The following XPR1 variants were observed in gnomAD, a reference collection of about 807,000 sequenced individuals.
XPR1 encodes the protein solute carrier family 53 member 1.
In XPR1, 28 loss-of-function variants were observed where a neutral mutation model predicts 87.5. That is an observed-to-expected ratio of 0.32 (90% CI 0.24 to 0.44). The LOEUF (loss-of-function observed/expected upper bound fraction) is 0.44. Among genes scored for constraint, XPR1 ranks in the 20% least tolerant of loss-of-function variants. The pLI is 1.00. For synonymous variants in XPR1, 300 were observed against 306.1 expected, an observed-to-expected ratio of 0.98 and a Z score of 0.21; for missense variants, 559 against 862.3, an observed-to-expected ratio of 0.65 and a Z score of 4.41.
intron 4 of XPR1, 26 bp from the exon 5 acceptor site, chr1:180,806,036 G>A (rs567402999): frequency 3.7e-6 from 6 of 1,606,312 alleles, no homozygotes; most frequent in Admixed American, 1.7e-5. Context: ...AGAAATTATA[G>A]TTGTGTTTCT....
intron 2 of XPR1, among the ~76,000 whole-genome samples, chr1:180,786,209 C>T (rs1163527427): frequency 1.3e-5 from 2 of 149,572 alleles, no homozygotes; most frequent in Non-Finnish European, 3.0e-5. Context: ...TAAATAGATT[C>T]AGCATGCTTT....
intron 2 of XPR1, among the ~76,000 whole-genome samples, chr1:180,759,385 A>G (rs1431966090): frequency 6.6e-6 from 1 of 152,234 alleles, no homozygotes; most frequent in Non-Finnish European, 1.5e-5. Flanking sequence ...AATAAAGAAG[A>G]AAAGAGAGAA....
chr1:180,724,980 G>T (rs866288577), intron 2 of XPR1, among the ~76,000 whole-genome samples: 1 of 152,138 alleles, frequency 6.6e-6, no homozygotes, highest in South Asian at 2.1e-4. Flanking sequence ...CCATAGCATA[G>T]AATGAACCTC....
At chr1:180,683,524 C>T (rs1165814218) in intron 2 of XPR1, among the ~76,000 whole-genome samples, 1 of 152,020 alleles carries the variant, frequency 6.6e-6, no homozygotes, top group Non-Finnish European at 1.5e-5. Context: ...AGTTGTAGAT[C>T]CCTGAGGAAT....
intron 12 of XPR1, among the ~76,000 whole-genome samples, chr1:180,866,204 C>T (rs776476037): frequency 1.9e-4 from 28 of 151,196 alleles, no homozygotes; most frequent in Admixed American, 1.7e-3. Flanking sequence ...GGAGCAAGAC[C>T]CTGTCTTAAA....
intron 2 of XPR1, among the ~76,000 whole-genome samples, chr1:180,761,956 T>C (rs995186492): frequency 3.7e-4 from 56 of 151,610 alleles, no homozygotes; most frequent in Non-Finnish European, 6.8e-4. Flanking sequence ...AAATGAAGAG[T>C]TCATGTCCTT....
intron 2 of XPR1, among the ~76,000 whole-genome samples, chr1:180,715,944 A>AT (rs1348966568): frequency 6.6e-6 from 1 of 152,148 alleles, no homozygotes; most frequent in Non-Finnish European, 1.5e-5. Flanking sequence ...AAGTGCTGGG[A>AT]TTACAGGTGT....
intron 2 of XPR1, among the ~76,000 whole-genome samples, chr1:180,720,911 T>TG (rs1331874918): frequency 1.3e-5 from 2 of 152,120 alleles, no homozygotes; most frequent in African/African-American, 4.8e-5. Flanking sequence ...GAGGGTAAAA[T>TG]GAGAGCCTTT....
At chr1:180,651,232 C>T (rs983955492) in intron 1 of XPR1, among the ~76,000 whole-genome samples, 5 of 151,952 alleles carry the variant, frequency 3.3e-5, no homozygotes, top group East Asian at 1.9e-4. Context: ...GCTGGGATTA[C>T]GGGTGCCCGC....
intron 2 of XPR1, among the ~76,000 whole-genome samples, chr1:180,738,758 A>G (rs1045883927): frequency 6.6e-6 from 1 of 152,038 alleles, no homozygotes; most frequent in Non-Finnish European, 1.5e-5. Context: ...GAGTTTTGAG[A>G]GTGCTTATAT....
intron 9 of XPR1, among the ~76,000 whole-genome samples, chr1:180,827,452 T>A (rs1356320762): frequency 6.6e-6 from 1 of 152,220 alleles, no homozygotes; most frequent in Non-Finnish European, 1.5e-5. Flanking sequence ...GATTCATGCA[T>A]GACTAGTTAC....
At chr1:180,632,690 G>A (rs1654630815) in intron 1 of XPR1, among the ~76,000 whole-genome samples, 1 of 152,238 alleles carries the variant, frequency 6.6e-6, no homozygotes. Flanking sequence ...GCCAAGGTTA[G>A]GTCTTGTTTC....
At chr1:180,662,348 G>A (rs930112833) in intron 1 of XPR1, among the ~76,000 whole-genome samples, 1 of 152,160 alleles carries the variant, frequency 6.6e-6, no homozygotes, top group South Asian at 2.1e-4. Context: ...TATTTGACCG[G>A]AAAAGGCTTT....
intron 1 of XPR1, among the ~76,000 whole-genome samples, chr1:180,678,429 A>G (rs1052222100): frequency 6.6e-6 from 1 of 152,222 alleles, no homozygotes; most frequent in Non-Finnish European, 1.5e-5. Context: ...AAAAGACAGT[A>G]CATTCCAAAG....
At chr1:180,688,146 G>A (rs1388167852) in intron 2 of XPR1, among the ~76,000 whole-genome samples, 5 of 150,848 alleles carry the variant, frequency 3.3e-5, no homozygotes, top group Admixed American at 3.3e-4. Context: ...CGCCTCCTGG[G>A]GGTTCAAGTG....
chr1:180,678,434 C>T (rs890449599), intron 1 of XPR1, among the ~76,000 whole-genome samples: 1 of 152,268 alleles, frequency 6.6e-6, no homozygotes, highest in South Asian at 2.1e-4. Flanking sequence ...ACAGTACATT[C>T]CAAAGGTTTT....
At chr1:180,828,260 C>G (rs1389087873) in intron 9 of XPR1, among the ~76,000 whole-genome samples, 1 of 151,998 alleles carries the variant, frequency 6.6e-6, no homozygotes, top group Non-Finnish European at 1.5e-5. Context: ...ATATTGGAAT[C>G]TATGGAATTG....
intron 3 of XPR1, among the ~76,000 whole-genome samples, chr1:180,791,305 T>G (rs1224260511): frequency 6.6e-6 from 1 of 152,250 alleles, no homozygotes; most frequent in Non-Finnish European, 1.5e-5. Context: ...AGGATCTCAC[T>G]CTGTTGTCCA....
At chr1:180,808,475 C>T (rs1650083190) in intron 6 of XPR1, among the ~76,000 whole-genome samples, 4 of 151,960 alleles carry the variant, frequency 2.6e-5, no homozygotes, top group African/African-American at 7.2e-5. Context: ...AATTAAAAAA[C>T]GTATGCTCTT....
Sources: gnomAD v4.1 joint callset for allele counts (sites outside exome capture counted in the v4.1 genomes callset) on GRCh38, gnomAD v4.1.1 for gene constraint, MANE v1.5 for transcripts, NCBI Gene and HGNC (gene_info 2026-07-23, HGNC 2026-07-21) for gene names.